The following CPAP variants were observed in gnomAD, a reference collection of about 807,000 sequenced individuals.
The protein encoded by CPAP is centrosome assembly and centriole elongation protein.
chr13:24,910,586 G>A, the CPAP span, among the ~76,000 whole-genome samples: 1 of 152,090 alleles, frequency 6.6e-6, no homozygotes, highest in Non-Finnish European at 1.5e-5. Flanking sequence ...AAAGTTCTTT[G>A]GGGCTCTCAA....
chr13:24,892,169 G>A, the CPAP span, among the ~76,000 whole-genome samples: 1 of 152,300 alleles, frequency 6.6e-6, no homozygotes, highest in African/African-American at 2.4e-5. Flanking sequence ...CACCCTGGTT[G>A]TTCACAGAGA....
chr13:24,885,211 G>T, the CPAP span: 1 of 1,103,632 alleles, frequency 9.1e-7, no homozygotes, highest in Non-Finnish European at 1.4e-6. Context: ...GATTCTATGT[G>T]TTTCAACTAT....
At chr13:24,894,220 C>G in the CPAP span, among the ~76,000 whole-genome samples, 1 of 152,170 alleles carries the variant, frequency 6.6e-6, no homozygotes, top group Non-Finnish European at 1.5e-5. Flanking sequence ...ATGGAGGTGT[C>G]TGAGCGAAGG....
At chr13:24,893,446 C>G in the CPAP span, among the ~76,000 whole-genome samples, 1 of 152,252 alleles carries the variant, frequency 6.6e-6, no homozygotes, top group South Asian at 2.1e-4. Flanking sequence ...GAGGAAGGAG[C>G]AGGGCACCGA....
the CPAP span, among the ~76,000 whole-genome samples, chr13:24,927,095 T>A: frequency 1.3e-5 from 2 of 151,880 alleles, no homozygotes; most frequent in Non-Finnish European, 2.9e-5. Context: ...CCAAGCAGAG[T>A]GCACGCCCTC....
chr13:24,926,784 C>A, the CPAP span, among the ~76,000 whole-genome samples: 1 of 152,188 alleles, frequency 6.6e-6, no homozygotes, highest in African/African-American at 2.4e-5. Context: ...ACACGGCAAT[C>A]AGGTATATGA....
chr13:24,907,805 A>T, the CPAP span, among the ~76,000 whole-genome samples: 3 of 152,200 alleles, frequency 2.0e-5, no homozygotes, highest in South Asian at 2.1e-4. Context: ...TTAAGTGAAA[A>T]AGCTTCGAGA....
At chr13:24,892,962 C>G in the CPAP span, 1 of 930,372 alleles carries the variant, frequency 1.1e-6, no homozygotes, top group Non-Finnish European at 1.7e-6. Context: ...AACAGAATAG[C>G]CAGCAAGAAA....
At chr13:24,924,608 C>T in the CPAP span, 1 of 152,184 alleles carries the variant, frequency 6.6e-6, no homozygotes, top group Non-Finnish European at 1.5e-5. Flanking sequence ...AAATGTTCTA[C>T]CTTATCAGTG....
At chr13:24,911,212 T>C in the CPAP span, among the ~76,000 whole-genome samples, 1 of 152,334 alleles carries the variant, frequency 6.6e-6, no homozygotes, top group Admixed American at 6.5e-5. Flanking sequence ...TAAGGACTGA[T>C]GACATGAAAT....
the CPAP span, among the ~76,000 whole-genome samples, chr13:24,919,124 G>A: frequency 6.6e-6 from 1 of 152,300 alleles, no homozygotes; most frequent in East Asian, 1.9e-4. Context: ...AGGAAATTTT[G>A]TTAGAACACT....
the CPAP span, chr13:24,889,474 C>G: frequency 1.0e-6 from 1 of 990,310 alleles, no homozygotes; most frequent in Non-Finnish European, 1.6e-6. Flanking sequence ...ACTAATAAAA[C>G]TCAGCTAGTG....
At chr13:24,921,164 C>T in the CPAP span, among the ~76,000 whole-genome samples, 1 of 152,126 alleles carries the variant, frequency 6.6e-6, no homozygotes, top group Non-Finnish European at 1.5e-5. Flanking sequence ...CTGAAACTGC[C>T]GGTTGTAACC....
chr13:24,888,705 C>T, the CPAP span, among the ~76,000 whole-genome samples: 4 of 152,312 alleles, frequency 2.6e-5, no homozygotes, highest in East Asian at 7.7e-4. Flanking sequence ...CAGCCCTATT[C>T]ATTATCATGC....
At chr13:24,908,369 C>T in the CPAP span, among the ~76,000 whole-genome samples, 27 of 133,708 alleles carry the variant, frequency 2.0e-4, no homozygotes, top group East Asian at 5.6e-3. Context: ...GAGGCCAAGG[C>T]GGGAGAATCA....
the CPAP span, among the ~76,000 whole-genome samples, chr13:24,903,204 G>A: frequency 1.3e-5 from 2 of 152,276 alleles, no homozygotes; most frequent in South Asian, 2.1e-4. Flanking sequence ...TCATACTATC[G>A]ACTGCTGTAG....
At chr13:24,931,805 TTTC>T in the CPAP span, among the ~76,000 whole-genome samples, 1 of 152,228 alleles carries the variant, frequency 6.6e-6, no homozygotes, top group Non-Finnish European at 1.5e-5. Flanking sequence ...TTCCCGAAAT[TTTC>T]TTCTTTCCCG....
chr13:24,903,824 T>A, the CPAP span: 1 of 1,275,912 alleles, frequency 7.8e-7, no homozygotes, highest in Non-Finnish European at 1.1e-6. Flanking sequence ...TTCAATTATA[T>A]TTGTTTGACT....
the CPAP span, chr13:24,892,720 T>C: frequency 6.2e-7 from 1 of 1,614,184 alleles, no homozygotes; most frequent in Non-Finnish European, 8.5e-7. Flanking sequence ...AGTCGGAATC[T>C]TTCCATCACT....
Sources: gnomAD v4.1 joint callset for allele counts (sites outside exome capture counted in the v4.1 genomes callset) on GRCh38, gnomAD v4.1.1 for gene constraint, MANE v1.5 for transcripts, NCBI Gene and HGNC (gene_info 2026-07-23, HGNC 2026-07-21) for gene names.